MYO3A: variants seen among roughly 807,000 people sequenced by gnomAD.
MYO3A encodes myosin IIIA, also known as myosin-IIIa.
In MYO3A, 180 loss-of-function variants were observed where a neutral mutation model predicts 192.7. That is an observed-to-expected ratio of 0.93 (90% confidence interval 0.83 to 1.06). The LOEUF is 1.06. Ranked by LOEUF, MYO3A falls within the 50% of genes least tolerant of loss-of-function variation. The pLI, the probability that MYO3A is intolerant of heterozygous loss-of-function variation, is 0.00. For synonymous variants in MYO3A, 628 were observed against 645.3 expected, an observed-to-expected ratio of 0.97 and a Z score of 0.41; for missense variants, 1,896 against 1,905.0, an observed-to-expected ratio of 1.00 and a Z score of 0.09.
Position 26,120,828 on chromosome 10 carries a change from A to C in MYO3A, c.1903+26A>C, listed in dbSNP as rs774396850. 3 of 1,613,248 alleles carry C rather than the reference A, an allele frequency of 1.9e-6. No homozygotes were observed. In the East Asian group the frequency reaches 6.7e-5, roughly 36 times the overall value. On this transcript the variant is annotated intron_variant, in intron 18 of 34. Transcript: ENST00000642920. ...GTAAGTTTTATTACCTTCTATTCAA[A>C]ACTGAAATCTTTCAAATCTTATGAC...
intron 14 of MYO3A, among the ~76,000 whole-genome samples, chr10:26,083,519 C>T (rs564086539): frequency 1.3e-5 from 2 of 152,152 alleles, no homozygotes; most frequent in Non-Finnish European, 2.9e-5. Flanking sequence ...TTAGTACTTC[C>T]AGTACTATGT....
At chr10:25,944,530 G>A (rs932141503) in intron 2 of MYO3A, among the ~76,000 whole-genome samples, 4 of 151,984 alleles carry the variant, frequency 2.6e-5, no homozygotes, top group Non-Finnish European at 5.9e-5. Context: ...CTGGTCCTGA[G>A]ATTTTGTTGT....
At chr10:26,187,630 A>G (rs1842927783) in intron 31 of MYO3A, among the ~76,000 whole-genome samples, 1 of 133,408 alleles carries the variant, frequency 7.5e-6, no homozygotes, top group South Asian at 3.0e-4. Context: ...TCCTAATGCT[A>G]TCCCTCCCCC....
At chr10:25,950,159 C>A (rs1837112501) in intron 2 of MYO3A, among the ~76,000 whole-genome samples, 2 of 152,082 alleles carry the variant, frequency 1.3e-5, no homozygotes, top group Admixed American at 1.3e-4. Context: ...GAACTGAGAT[C>A]TACAGGACAA....
At chr10:26,206,971 T>C (rs150764178) in intron 34 of MYO3A, among the ~76,000 whole-genome samples, 1 of 152,328 alleles carries the variant, frequency 6.6e-6, no homozygotes, top group East Asian at 1.9e-4. Flanking sequence ...TTTTTTCATA[T>C]ACGTGTTGAC....
rs144633072 is a variant in MYO3A, at chr10:26,060,588, A to G, written c.954-6387A>G. On this transcript the variant is annotated intron_variant, in intron 10 of 34. Coordinates refer to ENST00000642920, the MANE Select transcript of MYO3A (RefSeq NM_017433.5). Reference sequence around the variant, plus strand: ...CATATCAAAATATGTTTTCCTTACAATTCTAATATATGGCACTTGGCATGT... The same window carrying G: ...CATATCAAAATATGTTTTCCTTACAGTTCTAATATATGGCACTTGGCATGT... 8.2e-3 allele frequency among the ~76,000 whole-genome samples: 1,230 copies of G among 149,248 alleles called. 41 individuals carry two copies. Among genetic ancestry groups the G allele is most frequent in the Admixed American group, 0.064 (967 of 15,004 alleles).
At chr10:26,192,300 T>G (rs981130523) in intron 31 of MYO3A, among the ~76,000 whole-genome samples, 1 of 152,194 alleles carries the variant, frequency 6.6e-6, no homozygotes, top group Non-Finnish European at 1.5e-5. Flanking sequence ...CTAAAACAGC[T>G]GTTGGTTTGA....
intron 10 of MYO3A, among the ~76,000 whole-genome samples, chr10:26,050,267 AT>A (rs1447371508): frequency 6.6e-6 from 1 of 152,202 alleles, no homozygotes; most frequent in Non-Finnish European, 1.5e-5. Context: ...GCACCCAGCC[AT>A]TATTTTTATA....
At chr10:26,006,329 G>A (rs1244941280) in intron 6 of MYO3A, among the ~76,000 whole-genome samples, 2 of 152,096 alleles carry the variant, frequency 1.3e-5, no homozygotes, top group Non-Finnish European at 2.9e-5. Flanking sequence ...AACTAGAAAA[G>A]CAAGAGCCAA....
At chr10:25,992,832 C>A (rs1442977070) in intron 4 of MYO3A, among the ~76,000 whole-genome samples, 1 of 152,188 alleles carries the variant, frequency 6.6e-6, no homozygotes, top group Admixed American at 6.5e-5. Context: ...ATATGTTGAA[C>A]CAGCCTTGCA....
At chr10:26,032,590 C>T (rs12571378) in intron 10 of MYO3A, among the ~76,000 whole-genome samples, 20,981 of 150,956 alleles carry the variant, frequency 0.14, 1,745 homozygotes, top group East Asian at 0.35. Context: ...CACTCCAGCC[C>T]GGGCGACAGT....
At chr10:26,145,949 A>G (rs1840439008) in intron 22 of MYO3A, among the ~76,000 whole-genome samples, 1 of 152,216 alleles carries the variant, frequency 6.6e-6, no homozygotes, top group Non-Finnish European at 1.5e-5. Flanking sequence ...TCTTGTAGCA[A>G]TGCCTGAGGA....
chr10:26,138,316 A>G (rs1839967244), intron 20 of MYO3A, among the ~76,000 whole-genome samples: 1 of 152,224 alleles, frequency 6.6e-6, no homozygotes, highest in Non-Finnish European at 1.5e-5. Context: ...CTACGTTGAA[A>G]TATTGGGGGC....
rs765248547 is a variant in MYO3A at position 26,212,027 on chromosome 10, G to A, written c.*64G>A. The A allele has an allele frequency of 3.2e-6, 5 of 1,579,532 alleles. No individual in the cohort carries two copies. The highest frequency in any genetic ancestry group is 4.3e-6 in the Non-Finnish European group (5 of 1,159,588). On this transcript the variant is annotated 3_prime_UTR_variant, in exon 35 of 35. Coordinates refer to ENST00000642920, the MANE Select transcript of MYO3A (RefSeq NM_017433.5). ...GAGCCTGCGGGGCAGCAGGGGCCAA[G>A]CAGGCACTCTGGGGCTGGCACCAGC... is the stretch of plus-strand genomic sequence containing the variant.
chr10:26,139,210 C>A (rs1840015688), intron 20 of MYO3A, among the ~76,000 whole-genome samples: 1 of 152,110 alleles, frequency 6.6e-6, no homozygotes, highest in South Asian at 2.1e-4. Context: ...CAATAGGCTA[C>A]AATTTCCCCC....
chr10:26,098,046 G>T (rs1362493071), intron 17 of MYO3A, among the ~76,000 whole-genome samples: 4 of 152,146 alleles, frequency 2.6e-5, no homozygotes, highest in African/African-American at 9.7e-5. Flanking sequence ...GTGTAAAAGT[G>T]TTCCTATTTC....
intron 14 of MYO3A, among the ~76,000 whole-genome samples, chr10:26,075,556 T>C (rs929003225): frequency 4.7e-5 from 7 of 147,936 alleles, no homozygotes; most frequent in Admixed American, 1.4e-4. Flanking sequence ...GTTACTTCAC[T>C]TACAGTAATA....
intron 20 of MYO3A, among the ~76,000 whole-genome samples, chr10:26,136,394 C>T (rs1839847048): frequency 6.6e-6 from 1 of 152,120 alleles, no homozygotes; most frequent in South Asian, 2.1e-4. Flanking sequence ...GACATTGTTC[C>T]CCAGGTGTAA....
intron 2 of MYO3A, among the ~76,000 whole-genome samples, chr10:25,945,108 A>G (rs114584755): frequency 0.011 from 1,665 of 152,128 alleles, 25 homozygotes; most frequent in African/African-American, 0.037. Context: ...TTGATTCAAG[A>G]TATTTTCAGT....
Sources: allele counts gnomAD v4.1 joint callset (sites outside exome capture counted in the v4.1 genomes callset), GRCh38; gene constraint gnomAD v4.1.1; transcripts MANE v1.5; gene names NCBI Gene and HGNC (gene_info 2026-07-23, HGNC 2026-07-21).